FAM240B: variants seen among roughly 807,000 people sequenced by gnomAD.
FAM240B encodes protein FAM240B.
rs1024670249 is a variant in FAM240B, at chr9:38,694,287, T to C, written c.*489A>G. On this transcript the variant is annotated 3_prime_UTR_variant, in exon 3 of 3. Transcript: ENST00000637493. ...TAAATTCTTTTTATAATAATAGCTT[T>C]ATTTCTGCAAGCAGTTACATTTCTG... 2.0e-5 allele frequency: 3 copies of C among 152,624 alleles called. No individual in the cohort carries two copies. Among genetic ancestry groups the C allele is most frequent in the Non-Finnish European group, 2.9e-5 (2 of 68,296 alleles). 9.5% of individuals were successfully genotyped at this position (152,624 alleles called of 1,614,324 possible).
At chr9:38,706,143 A>T (rs72721513) in intron 1 of FAM240B, among the ~76,000 whole-genome samples, 21,181 of 152,056 alleles carry the variant, frequency 0.14, 1,644 homozygotes, top group East Asian at 0.22. Context: ...TTAAATTGAC[A>T]AATAAAAGCT....
chr9:38,695,052 T>G (rs1295316140), intron 2 of FAM240B, among the ~76,000 whole-genome samples, 183 bp from the exon 3 acceptor site: 1 of 152,202 alleles, frequency 6.6e-6, no homozygotes, highest in Non-Finnish European at 1.5e-5. Context: ...CATGTGGTGT[T>G]TGGTTTTCTT....
At chr9:38,697,024 C>T (rs903218043) in intron 2 of FAM240B, among the ~76,000 whole-genome samples, 1 of 152,178 alleles carries the variant, frequency 6.6e-6, no homozygotes, top group Non-Finnish European at 1.5e-5. Flanking sequence ...GTAAATAAAT[C>T]TGCCACCAAA....
intron 1 of FAM240B, among the ~76,000 whole-genome samples, chr9:38,710,010 G>A (rs1053105108): frequency 1.8e-4 from 28 of 152,068 alleles, no homozygotes; most frequent in African/African-American, 5.8e-4. Context: ...TTGCTTTGTC[G>A]CCAGGCTGGA....
chr9:38,705,052 C>T (rs1821173061), intron 1 of FAM240B, among the ~76,000 whole-genome samples: 1 of 152,196 alleles, frequency 6.6e-6, no homozygotes, highest in Non-Finnish European at 1.5e-5. Context: ...TGCTTTTTAC[C>T]TTAACGTGGC....
chr9:38,718,759 A>C (rs1390172184), intron 1 of FAM240B, among the ~76,000 whole-genome samples: 1 of 152,174 alleles, frequency 6.6e-6, no homozygotes, highest in Non-Finnish European at 1.5e-5. Context: ...GTAAAAAAAA[A>C]AAATGTTCAA....
chr9:38,695,266 C>T (rs1376223296), intron 2 of FAM240B, among the ~76,000 whole-genome samples: 3 of 152,222 alleles, frequency 2.0e-5, no homozygotes, highest in African/African-American at 7.2e-5. Flanking sequence ...CGCATGTAAT[C>T]CCAGCACTTT....
At chr9:38,703,453 C>T in intron 2 of FAM240B, among the ~76,000 whole-genome samples, 1 of 152,218 alleles carries the variant, frequency 6.6e-6, no homozygotes, top group East Asian at 1.9e-4. Flanking sequence ...CAAATCCTGA[C>T]AGAATGACTC....
At chr9:38,696,037 C>G (rs1036381944) in intron 2 of FAM240B, among the ~76,000 whole-genome samples, 1 of 152,040 alleles carries the variant, frequency 6.6e-6, no homozygotes, top group Non-Finnish European at 1.5e-5. Flanking sequence ...GTGTGTTTCC[C>G]CTCAAATTCA....
chr9:38,712,485 C>T (rs1821266675), intron 1 of FAM240B, among the ~76,000 whole-genome samples: 1 of 152,194 alleles, frequency 6.6e-6, no homozygotes, highest in African/African-American at 2.4e-5. Flanking sequence ...AATGCCATCT[C>T]ATTTAATCCT....
chr9:38,703,962 C>T lies in FAM240B; in HGVS notation c.38G>A (p.Cys13Tyr), dbSNP rs752465724. Reference sequence around the variant, plus strand: ...GCTTTTGAGCTCATGACAAGTTCCACAGCAGAAGACTTCTCGACGGATGTA... The same window carrying T: ...GCTTTTGAGCTCATGACAAGTTCCATAGCAGAAGACTTCTCGACGGATGTA... ...NQYIRREVFC[C>Y]GTCHELKSFW... Residue 13 changes from cysteine to tyrosine, a missense_variant, in exon 2 of 3, where the codon TGT becomes TAT. By Grantham distance (194) the Cys-to-Tyr change is radical. Transcript: ENST00000637493. 2 of 400,390 alleles carry T rather than the reference C, an allele frequency of 5.0e-6. No individual in the cohort carries two copies. The highest frequency in any genetic ancestry group is 2.1e-5 in the African/African-American group (1 of 48,686). The allele number at this position is 400,390 out of a possible 1,614,324, so 24.8% of individuals were successfully genotyped here.
intron 2 of FAM240B, among the ~76,000 whole-genome samples, chr9:38,703,550 G>T (rs540623572): frequency 6.6e-6 from 1 of 152,118 alleles, no homozygotes; most frequent in Non-Finnish European, 1.5e-5. Context: ...AGAGGTTCCC[G>T]CTAGCTCTTC....
chr9:38,705,759 T>C (rs1410233023), intron 1 of FAM240B, among the ~76,000 whole-genome samples: 1 of 152,224 alleles, frequency 6.6e-6, no homozygotes, highest in Non-Finnish European at 1.5e-5. Flanking sequence ...GAACAGCATG[T>C]GTAAGTGTCC....
chr9:38,714,074 A>G (rs1039905185), intron 1 of FAM240B, among the ~76,000 whole-genome samples: 4 of 152,244 alleles, frequency 2.6e-5, no homozygotes, highest in African/African-American at 4.8e-5. Context: ...GAATTAGTCA[A>G]CTGGAGAGTT....
intron 2 of FAM240B, among the ~76,000 whole-genome samples, chr9:38,702,799 A>T (rs2119002846): frequency 6.6e-6 from 1 of 152,332 alleles, no homozygotes; most frequent in South Asian, 2.1e-4. Flanking sequence ...AGTTTTTCGC[A>T]CATATACACA....
At chr9:38,709,948 G>T (rs1360753643) in intron 1 of FAM240B, among the ~76,000 whole-genome samples, 1 of 152,248 alleles carries the variant, frequency 6.6e-6, no homozygotes, top group East Asian at 1.9e-4. Flanking sequence ...AGACTTTTCA[G>T]GGGAGCGTGT....
intron 1 of FAM240B, among the ~76,000 whole-genome samples, chr9:38,714,928 G>A (rs1203083357): frequency 2.0e-5 from 3 of 152,204 alleles, no homozygotes; most frequent in Non-Finnish European, 2.9e-5. Flanking sequence ...AAATTCTGCA[G>A]TAAATTTTAT....
At chr9:38,704,562 T>TA (rs1280307119) in intron 1 of FAM240B, among the ~76,000 whole-genome samples, 2 of 152,224 alleles carry the variant, frequency 1.3e-5, no homozygotes, top group Non-Finnish European at 2.9e-5. Flanking sequence ...TTAGCTTTCT[T>TA]AAAAAACTAT....
chr9:38,698,890 T>C, intron 2 of FAM240B, among the ~76,000 whole-genome samples: 1 of 152,246 alleles, frequency 6.6e-6, no homozygotes, highest in South Asian at 2.1e-4. Context: ...TTGATATCTT[T>C]CATTACTGTG....
Sources: gnomAD v4.1 joint callset for allele counts (sites outside exome capture counted in the v4.1 genomes callset) on GRCh38, gnomAD v4.1.1 for gene constraint, MANE v1.5 for transcripts, NCBI Gene and HGNC (gene_info 2026-07-23, HGNC 2026-07-21) for gene names.